EVC2: variants seen among roughly 807,000 people sequenced by gnomAD.
EVC2 encodes the protein limbin.
EVC2 carries 148 observed loss-of-function variants against 149.3 expected under a neutral mutation model. The observed-to-expected ratio is 0.99, with a 90% CI of 0.87 to 1.14. The LOEUF is 1.14. Among genes scored for constraint, EVC2 ranks in the 50% most tolerant of loss-of-function variants. The pLI is 0.00. For missense variants in EVC2, 1,854 were observed against 1,627.3 expected (o/e 1.14, Z -2.40); for synonymous variants, 776 against 649.9 (o/e 1.19, Z -2.95).
At chr4:5,594,834 C>T (rs894537365) in intron 16 of EVC2, among the ~76,000 whole-genome samples, 11 of 151,962 alleles carry the variant, frequency 7.2e-5, no homozygotes, top group African/African-American at 1.5e-4. Flanking sequence ...AAAATTTAGG[C>T]GAATGTATAA....
chr4:5,600,316 C>T (rs1053076961), intron 16 of EVC2, among the ~76,000 whole-genome samples: 1 of 152,124 alleles, frequency 6.6e-6, no homozygotes, highest in African/African-American at 2.4e-5. Context: ...GGATTAAATC[C>T]TATTTCACAT....
rs371640910 is a variant in EVC2 at position 5,613,317 on chromosome 4, C to T, written c.2829+2105G>A. Among the ~76,000 whole-genome samples, 62 of 152,246 alleles carry T rather than the reference C, an allele frequency of 4.1e-4. 1 individual carries two copies. The South Asian group carries it at 0.012, about 31-fold the overall frequency. ...CCAGCACAGTCCAGGATACCCATTC[C>T]CTCTGCCAAACCAAACCCCAGCTTT... On this transcript the variant is annotated intron_variant, in intron 16 of 21. Transcript: ENST00000344408. The surrounding 1 kb of genome is among the most constrained non-coding windows in gnomAD (Gnocchi z 4.6).
At chr4:5,697,928 T>G (rs1721587299) in intron 1 of EVC2, among the ~76,000 whole-genome samples, 1 of 151,886 alleles carries the variant, frequency 6.6e-6, no homozygotes, top group Non-Finnish European at 1.5e-5. Context: ...TTGTTTTGTA[T>G]TTTTAGTAGA....
chr4:5,583,149 G>A (rs1014884883), intron 17 of EVC2, among the ~76,000 whole-genome samples: 3 of 152,148 alleles, frequency 2.0e-5, no homozygotes, highest in African/African-American at 7.2e-5. Context: ...TTGTTAATCA[G>A]GTGAATTTTG....
At chr4:5,549,332 G>A (rs1295045218) in intron 21 of EVC2, among the ~76,000 whole-genome samples, 4 of 152,164 alleles carry the variant, frequency 2.6e-5, no homozygotes, top group East Asian at 3.9e-4. Context: ...ATCCTCCTTC[G>A]ACAGGGGAAT....
At chr4:5,660,396 C>G (rs1718800716) in intron 9 of EVC2, among the ~76,000 whole-genome samples, 1 of 152,196 alleles carries the variant, frequency 6.6e-6, no homozygotes, top group South Asian at 2.1e-4. Flanking sequence ...TCAGACCTAG[C>G]AGAGCTCTTC....
intron 21 of EVC2, among the ~76,000 whole-genome samples, chr4:5,556,134 G>A (rs1042412015): frequency 6.4e-5 from 8 of 125,212 alleles, no homozygotes; most frequent in Non-Finnish European, 9.4e-5. Flanking sequence ...AGCCAAGATC[G>A]TGCCATTGCA....
chr4:5,549,155 A>C (rs10937654), intron 21 of EVC2, among the ~76,000 whole-genome samples: 53,493 of 152,058 alleles, frequency 0.35, 10,579 homozygotes, highest in East Asian at 0.93. Flanking sequence ...ACTAACCTAC[A>C]ATTTTTATAT....
At chr4:5,573,249 T>C (rs1271072428) in intron 19 of EVC2, among the ~76,000 whole-genome samples, 1 of 151,980 alleles carries the variant, frequency 6.6e-6, no homozygotes, top group Non-Finnish European at 1.5e-5. Flanking sequence ...CAAGTGGGAG[T>C]AAGGTCAGGG....
intron 16 of EVC2, among the ~76,000 whole-genome samples, chr4:5,589,599 G>C (rs1006358133): frequency 1.3e-5 from 2 of 152,114 alleles, no homozygotes; most frequent in Non-Finnish European, 2.9e-5. Flanking sequence ...GTTCCTTCTT[G>C]CTGTGCCTCA....
intron 1 of EVC2, among the ~76,000 whole-genome samples, chr4:5,698,126 G>C (rs1204974195): frequency 6.6e-6 from 1 of 152,154 alleles, no homozygotes; most frequent in Non-Finnish European, 1.5e-5. Flanking sequence ...TCTGAGTAAA[G>C]AATTCCCTTC....
At chr4:5,554,609 A>T (rs1340881868) in intron 21 of EVC2, among the ~76,000 whole-genome samples, 1 of 152,248 alleles carries the variant, frequency 6.6e-6, no homozygotes, top group African/African-American at 2.4e-5. Flanking sequence ...CAGAGGGAAG[A>T]CATTTTCCTG....
intron 19 of EVC2, among the ~76,000 whole-genome samples, chr4:5,572,545 G>C (rs760399014): frequency 6.6e-5 from 10 of 152,182 alleles, no homozygotes; most frequent in Non-Finnish European, 1.3e-4. Flanking sequence ...TGGAAGCAGA[G>C]AGCAGTTCTC....
chr4:5,593,366 C>T (rs1311054706), intron 16 of EVC2, among the ~76,000 whole-genome samples: 1 of 152,166 alleles, frequency 6.6e-6, no homozygotes, highest in African/African-American at 2.4e-5. Context: ...TTTCAATAAA[C>T]ATTTACTCCT....
intron 16 of EVC2, among the ~76,000 whole-genome samples, chr4:5,602,092 T>C (rs1446380763): frequency 6.6e-6 from 1 of 152,014 alleles, no homozygotes; most frequent in Admixed American, 6.6e-5. Context: ...CTGGGCAATG[T>C]AGTGAGAAAC....
At chr4:5,701,610 G>A (rs1224798016) in intron 1 of EVC2, among the ~76,000 whole-genome samples, 1 of 152,150 alleles carries the variant, frequency 6.6e-6, no homozygotes, top group African/African-American at 2.4e-5. Context: ...CCTGAGGTGA[G>A]CTCATCCAGG....
chr4:5,658,368 T>C (rs995101272), intron 9 of EVC2, among the ~76,000 whole-genome samples: 1 of 152,192 alleles, frequency 6.6e-6, no homozygotes, highest in Non-Finnish European at 1.5e-5. Context: ...AGGAACAAAA[T>C]CATTTCTCTA....
At chr4:5,672,789 C>T (rs556896231) in intron 7 of EVC2, among the ~76,000 whole-genome samples, 1 of 152,284 alleles carries the variant, frequency 6.6e-6, no homozygotes, top group African/African-American at 2.4e-5. Context: ...TGTGTATATC[C>T]ATATAATGGA....
exon 22 of EVC2, chr4:5,543,118 T>A (rs1721547429): frequency 7.8e-7 from 1 of 1,289,262 alleles, no homozygotes; most frequent in Non-Finnish European, 1.0e-6. Flanking sequence ...GGGACAAACT[T>A]GCAGGTAAGT....
Sources: gnomAD v4.1 joint callset for allele counts (sites outside exome capture counted in the v4.1 genomes callset) on GRCh38, gnomAD v4.1.1 for gene constraint, Gnocchi (gnomAD v3.1) non-coding constraint, MANE v1.5 for transcripts, NCBI Gene and HGNC (gene_info 2026-07-23, HGNC 2026-07-21) for gene names.